The following OLFM1 variants were observed in gnomAD, a reference collection of about 807,000 sequenced individuals.
OLFM1 encodes the protein olfactomedin 1, also known as noelin.
In OLFM1, 9 loss-of-function variants were observed where a neutral mutation model predicts 49.7. That is an observed-to-expected ratio of 0.18 (90% CI 0.11 to 0.32). The LOEUF is 0.32. Ranked by LOEUF, OLFM1 falls within the 10% of genes least tolerant of loss-of-function variation. The probability of loss-of-function intolerance (pLI) is 1.00; values close to 1 mark genes in which losing one functional copy is unlikely to be tolerated. For missense variants in OLFM1, 369 were observed against 661.8 expected, an observed-to-expected ratio of 0.56 and a Z score of 4.85; for synonymous variants, 240 against 271.8, an observed-to-expected ratio of 0.88 and a Z score of 1.15.
rs146438826 is a variant in OLFM1 at position 135,100,722 on chromosome 9, C to T, written c.676+2217C>T. On this transcript the variant is annotated intron_variant, in intron 4 of 5. Transcript: ENST00000371793. ...AGGCATTTCCCCTCTCGAGTTTCAGCTGCCTCCTCCTCTGTAAAATGGTGC... is the reference window on the plus strand; with the variant it reads ...AGGCATTTCCCCTCTCGAGTTTCAGTTGCCTCCTCCTCTGTAAAATGGTGC... Among the ~76,000 whole-genome samples the T allele has an allele frequency of 5.1e-3, 771 of 152,320 alleles. 11 individuals are homozygous for T. Among genetic ancestry groups the T allele is most frequent in the African/African-American group, 0.018 (753 of 41,576 alleles).
intron 1 of OLFM1, among the ~76,000 whole-genome samples, chr9:135,079,003 C>A (rs34756027): frequency 0.2 from 30,048 of 152,130 alleles, 3,099 homozygotes; most frequent in Non-Finnish European, 0.23. Context: ...CCATTCTTTC[C>A]TTGGCTCACT....
At chr9:135,114,909 T>C (rs1188394747) in intron 5 of OLFM1, among the ~76,000 whole-genome samples, 1 of 152,106 alleles carries the variant, frequency 6.6e-6, no homozygotes, top group Non-Finnish European at 1.5e-5. Context: ...GCATGGGGAA[T>C]AGCCCTCTTC....
intron 5 of OLFM1, among the ~76,000 whole-genome samples, chr9:135,114,901 A>T (rs1261108930): frequency 6.6e-6 from 1 of 152,152 alleles, no homozygotes; most frequent in East Asian, 1.9e-4. Flanking sequence ...TCCCATGTGC[A>T]TGGGGAATAG....
intron 4 of OLFM1, 119 bp from the exon 5 acceptor site, chr9:135,106,630 C>A (rs1830947351): frequency 2.9e-6 from 2 of 700,624 alleles, no homozygotes; most frequent in Non-Finnish European, 4.9e-6. Flanking sequence ...ACCCCAGACC[C>A]CGAGGGCAAG....
rs1430273190 is a variant in OLFM1 at position 135,113,844 on chromosome 9, T to TG, written c.784-5654dup. 2.0e-5 allele frequency among the ~76,000 whole-genome samples: 3 copies of TG among 152,172 alleles called. No homozygotes were observed. Among genetic ancestry groups the TG allele is most frequent in the Non-Finnish European group, 4.4e-5 (3 of 68,014 alleles). The stretch of plus-strand genomic sequence containing the variant: ...GGCTGCTGCAGGAGCTCCCACAGCC[T>TG]GGGGGGCACCACAGGGGCTCACTGT... On this transcript the variant is annotated intron_variant, in intron 5 of 5. Transcript: ENST00000371793. The surrounding 1 kb of genome is among the most constrained non-coding windows in gnomAD (Gnocchi z 4.0).
intron 5 of OLFM1, among the ~76,000 whole-genome samples, chr9:135,114,367 A>G (rs1037668882): frequency 4.6e-5 from 7 of 151,812 alleles, no homozygotes; most frequent in Non-Finnish European, 8.8e-5. Context: ...CGCCCACCTT[A>G]GCCTCCCAAA....
At chr9:135,097,441 T>C (rs1002215558) in intron 3 of OLFM1, among the ~76,000 whole-genome samples, 1 of 152,190 alleles carries the variant, frequency 6.6e-6, no homozygotes, top group African/African-American at 2.4e-5. Context: ...AGCAGACTCC[T>C]CTAACGAGGG....
chr9:135,116,500 C>G (rs1401835663), intron 5 of OLFM1, among the ~76,000 whole-genome samples: 1 of 152,108 alleles, frequency 6.6e-6, no homozygotes, highest in Non-Finnish European at 1.5e-5. Context: ...GGGAAGGAGG[C>G]TCTGGACCCA....
chr9:135,117,864 A>G lies in OLFM1; in HGVS notation c.784-1640A>G, dbSNP rs927839533. On this transcript the variant is annotated intron_variant, in intron 5 of 5. Transcript: ENST00000371793. This position sits in a 1 kb window ranked among gnomAD's most constrained non-coding sequence, Gnocchi z 5.5. ...CCTGTGTGTCCCATCCCAAATTCCCACTAGATCCTTTCTTCAAACTGTGTG... is the reference window on the plus strand; with the variant it reads ...CCTGTGTGTCCCATCCCAAATTCCCGCTAGATCCTTTCTTCAAACTGTGTG... Among the ~76,000 whole-genome samples, 1 of 152,074 alleles carries G rather than the reference A, an allele frequency of 6.6e-6. No homozygotes were observed. The highest frequency in any genetic ancestry group is 1.9e-4 in the East Asian group (1 of 5,180).
In OLFM1 at chr9:135,076,212, A is replaced by T. The variant is rs758710514; in HGVS notation, c.96+410A>T. ...GCGGGACCTTAGTCCTACCCCCAACACACACCCCTGAGTGGCTCATCCTCC... is the reference window on the plus strand; with the variant it reads ...GCGGGACCTTAGTCCTACCCCCAACTCACACCCCTGAGTGGCTCATCCTCC... On this transcript the variant is annotated intron_variant, in intron 1 of 5. Coordinates refer to the OLFM1 transcript ENST00000252854. The T allele has an allele frequency of 1.9e-6, 3 of 1,550,452 alleles. No individual in the cohort carries two copies. The African/African-American group carries it at 4.1e-5, about 21-fold the overall frequency.
chr9:135,086,706 A>C, upstream of OLFM1: 1 of 455,770 alleles, frequency 2.2e-6, no homozygotes, highest in Non-Finnish European at 4.4e-6. Flanking sequence ...CCTGCGCTTC[A>C]GGTGGGACTG....
intron 2 of OLFM1, among the ~76,000 whole-genome samples, chr9:135,092,818 G>T (rs551549928): frequency 1.8e-4 from 28 of 152,222 alleles, no homozygotes; most frequent in Admixed American, 5.2e-4. Context: ...CAGAGGGCAT[G>T]AGCCATTTGC....
intron 5 of OLFM1, among the ~76,000 whole-genome samples, chr9:135,119,054 C>G (rs1233752990): frequency 1.3e-5 from 2 of 151,448 alleles, no homozygotes; most frequent in East Asian, 2.0e-4. Flanking sequence ...GAAGTGCTCA[C>G]TGGATCTTTG....
chr9:135,093,269 C>G (rs10858333), intron 2 of OLFM1, among the ~76,000 whole-genome samples: 36 of 151,906 alleles, frequency 2.4e-4, no homozygotes, highest in Non-Finnish European at 4.4e-4. Context: ...TAGTGGCAGG[C>G]GTGTGGCACG....
At chr9:135,078,328 T>C (rs1011527882) in intron 1 of OLFM1, among the ~76,000 whole-genome samples, 5 of 152,172 alleles carry the variant, frequency 3.3e-5, no homozygotes, top group Admixed American at 1.3e-4. Context: ...TGTTTCTAAA[T>C]GAGCATACGT....
At chr9:135,093,646 G>A (rs1259154891) in intron 2 of OLFM1, among the ~76,000 whole-genome samples, 2 of 152,264 alleles carry the variant, frequency 1.3e-5, no homozygotes, top group Non-Finnish European at 2.9e-5. Context: ...GGGATAGACT[G>A]TCATCCCGTA....
intron 4 of OLFM1, among the ~76,000 whole-genome samples, chr9:135,103,398 C>T (rs1447261427): frequency 2.6e-5 from 4 of 152,236 alleles, no homozygotes; most frequent in Non-Finnish European, 4.4e-5. Context: ...CAGGTGGCCT[C>T]CAGCCCCAAG....
Position 135,119,503 on chromosome 9 carries a change from G to C in OLFM1, c.784-1G>C. 6.3e-7 allele frequency: 1 copy of C among 1,598,414 alleles called. No homozygotes were observed. Among genetic ancestry groups the C allele is most frequent in the Non-Finnish European group, 8.5e-7 (1 of 1,171,714 alleles). On this transcript the variant is annotated splice_acceptor_variant, in intron 5 of 5. Coordinates refer to ENST00000371793, the MANE Select transcript of OLFM1 (RefSeq NM_001282611.2). LOFTEE classifies it high-confidence loss of function. ...CACCACCGGGTCTGCTCTCTCCACA[G>C]GTGTGGTACATGGACGGCTATCACA...
At chr9:135,107,459 C>T (rs1049044202) in intron 5 of OLFM1, among the ~76,000 whole-genome samples, 2 of 152,138 alleles carry the variant, frequency 1.3e-5, no homozygotes, top group Non-Finnish European at 2.9e-5. Flanking sequence ...GTTTTATGTT[C>T]GAGCCCCTTT....
Sources: gnomAD v4.1 joint callset for allele counts (sites outside exome capture counted in the v4.1 genomes callset) on GRCh38, gnomAD v4.1.1 for gene constraint, Gnocchi (gnomAD v3.1) non-coding constraint, MANE v1.5 for transcripts, NCBI Gene and HGNC (gene_info 2026-07-23, HGNC 2026-07-21) for gene names.